Variants in GAB1 observed in about 807,000 individuals in gnomAD.
GAB1 encodes the protein GRB2 associated binding protein 1.
GAB1 carries 19 observed loss-of-function variants against 66.5 expected under a neutral mutation model. The observed-to-expected ratio is 0.29, with a 90% CI of 0.20 to 0.42. The LOEUF (loss-of-function observed/expected upper bound fraction) is 0.42, where lower values mean the gene tolerates loss of function less well. GAB1 is among the 10% of genes least tolerant of loss of function. The pLI, the probability that GAB1 is intolerant of heterozygous loss-of-function variation, is 1.00. For synonymous variants in GAB1, 294 were observed against 301.4 expected, an observed-to-expected ratio of 0.98 and a Z score of 0.25; for missense variants, 732 against 858.5, an observed-to-expected ratio of 0.85 and a Z score of 1.84.
chr4:143,386,355 C>T (rs901080355), intron 1 of GAB1, among the ~76,000 whole-genome samples: 3 of 152,072 alleles, frequency 2.0e-5, no homozygotes, highest in Non-Finnish European at 4.4e-5. Context: ...TCATGTACAC[C>T]ATATGCATAG....
At chr4:143,379,328 A>G (rs948913248) in intron 1 of GAB1, among the ~76,000 whole-genome samples, 1 of 152,176 alleles carries the variant, frequency 6.6e-6, no homozygotes, top group Non-Finnish European at 1.5e-5. Flanking sequence ...TGGAGCAGAG[A>G]AATCTTAAGC....
rs531911719 is a variant in GAB1 at position 143,471,478 on chromosome 4, A to C, written c.*2289A>C. 3.2e-4 allele frequency: 48 copies of C among 152,134 alleles called. No individual in the cohort carries two copies. The highest frequency in any genetic ancestry group is 6.2e-4 in the Non-Finnish European group (42 of 67,982). The allele number at this position is 152,134 out of a possible 1,614,324, so 9.4% of individuals were successfully genotyped here. A position where few individuals can be genotyped will look rare whatever the true frequency, so the allele number is the denominator to read the frequency against. On this transcript the variant is annotated 3_prime_UTR_variant, in exon 10 of 10. Coordinates refer to ENST00000262994, the MANE Select transcript of GAB1 (RefSeq NM_002039.4). Reference sequence around the variant, plus strand: ...TAACCCCAATACATAAAGCCTGAAAACTCAATTTTATCAATATAAATGTAT... The same window carrying C: ...TAACCCCAATACATAAAGCCTGAAACCTCAATTTTATCAATATAAATGTAT...
At chr4:143,347,213 T>C (rs1729017011) in intron 1 of GAB1, among the ~76,000 whole-genome samples, 1 of 152,250 alleles carries the variant, frequency 6.6e-6, no homozygotes, top group Non-Finnish European at 1.5e-5. Context: ...GCATATACTC[T>C]TGAACAGCAC....
At chr4:143,447,205 G>C (rs1237465704) in intron 6 of GAB1, among the ~76,000 whole-genome samples, 6 of 152,178 alleles carry the variant, frequency 3.9e-5, no homozygotes, top group Non-Finnish European at 1.5e-5. Flanking sequence ...TAGCCTTGTA[G>C]TATAGTTAGA....
In GAB1 at chr4:143,337,277, G is replaced by C; in HGVS notation, c.72+17G>C. On this transcript the variant is annotated intron_variant, in intron 1 of 9. Coordinates refer to ENST00000262994, the MANE Select transcript of GAB1 (RefSeq NM_002039.4). The stretch of plus-strand genomic sequence containing the variant: ...AAGCGTTATGTAAGTAGAGCTGCGG[G>C]CACCACTCCGCGGGCCTCGGCGTCC... The C allele has an allele frequency of 6.4e-7, 1 of 1,564,358 alleles. No individual in the cohort carries two copies. The highest frequency in any genetic ancestry group is 1.2e-5 in the South Asian group (1 of 85,310).
In GAB1 at chr4:143,426,145, C is replaced by G. The variant is rs188108270; in HGVS notation, c.368-7346C>G. On this transcript the variant is annotated intron_variant, in intron 2 of 9. Coordinates refer to ENST00000262994, the MANE Select transcript of GAB1 (RefSeq NM_002039.4). ...CTTCTATTTACTCAGGCCAGATTCT[C>G]TAACAGAATATTTTTGAACTTGATT... 42 of 407,210 alleles carry G rather than the reference C, an allele frequency of 1.0e-4. No homozygotes were observed. In the East Asian group the frequency reaches 1.0e-3, roughly 10 times the overall value. The allele number at this position is 407,210 out of a possible 1,614,324, so 25.2% of individuals were successfully genotyped here. A position where few individuals can be genotyped will look rare whatever the true frequency, so the allele number is the denominator to read the frequency against.
intron 1 of GAB1, among the ~76,000 whole-genome samples, chr4:143,394,217 TG>T (rs1379112324): frequency 1.3e-5 from 2 of 152,120 alleles, no homozygotes; most frequent in Non-Finnish European, 2.9e-5. Context: ...GATGTTGCAG[TG>T]AGCCGAGATC....
At chr4:143,379,419 G>A (rs1421356494) in intron 1 of GAB1, among the ~76,000 whole-genome samples, 1 of 152,026 alleles carries the variant, frequency 6.6e-6, no homozygotes, top group African/African-American at 2.4e-5. Context: ...GATACATCTG[G>A]GTTTTGCGAT....
At chr4:143,453,495 C>G (rs1172039007) in intron 6 of GAB1, among the ~76,000 whole-genome samples, 1 of 152,068 alleles carries the variant, frequency 6.6e-6, no homozygotes, top group African/African-American at 2.4e-5. Context: ...ATTACTTAAT[C>G]CACATTGTCT....
intron 3 of GAB1, among the ~76,000 whole-genome samples, 161 bp downstream of exon 3, chr4:143,433,877 C>T (rs1439018156): frequency 4.6e-5 from 7 of 152,136 alleles, no homozygotes; most frequent in Admixed American, 2.0e-4. Context: ...GTTTACATTC[C>T]CCTATTGATT....
At chr4:143,362,259 C>A (rs1729692319) in intron 1 of GAB1, among the ~76,000 whole-genome samples, 1 of 152,118 alleles carries the variant, frequency 6.6e-6, no homozygotes, top group Middle Eastern at 3.4e-3. Context: ...TAACAGAACC[C>A]ATAGTTTCTC....
At position 143,474,307 on chromosome 4, in the gene GAB1, C is replaced by T. The variant is rs1736186657; in HGVS notation, c.*5118C>T. 6.6e-6 allele frequency: 1 copy of T among 152,038 alleles called. No homozygotes were observed. Among genetic ancestry groups the T allele is most frequent in the Non-Finnish European group, 1.5e-5 (1 of 68,008 alleles). 9.4% of individuals were successfully genotyped at this position (152,038 alleles called of 1,614,324 possible). On this transcript the variant is annotated 3_prime_UTR_variant, in exon 10 of 10. Transcript: ENST00000262994. ...AATGCGTCTCCTCTGATTTTGTGTT[C>T]CATGAGGTGCTTGGAACATTTGGAG... is the stretch of plus-strand genomic sequence containing the variant.
At chr4:143,425,937 CT>C in intron 2 of GAB1, 1 of 1,020,592 alleles carries the variant, frequency 9.8e-7, no homozygotes, top group Non-Finnish European at 1.5e-6. Flanking sequence ...TTAAGCTGTT[CT>C]TGCACGGGTT....
chr4:143,440,752 G>A (rs1308715311), intron 6 of GAB1, among the ~76,000 whole-genome samples: 1 of 152,158 alleles, frequency 6.6e-6, no homozygotes, highest in Non-Finnish European at 1.5e-5. Context: ...ATGCACCCAT[G>A]CAGGCAAATC....
intron 1 of GAB1, among the ~76,000 whole-genome samples, chr4:143,378,532 A>G (rs1006705417): frequency 9.9e-5 from 15 of 152,026 alleles, no homozygotes; most frequent in African/African-American, 2.4e-4. Flanking sequence ...GTAAGGTCCT[A>G]TTTCGCTCAC....
At chr4:143,428,443 A>C (rs1733479067) in intron 2 of GAB1, among the ~76,000 whole-genome samples, 1 of 152,216 alleles carries the variant, frequency 6.6e-6, no homozygotes, top group Non-Finnish European at 1.5e-5. Flanking sequence ...ATTTGGGTGC[A>C]TGGGACCTGG....
At chr4:143,457,846 A>G (rs1735275986) in intron 6 of GAB1, 1 of 775,770 alleles carries the variant, frequency 1.3e-6, no homozygotes, top group African/African-American at 1.9e-5. Flanking sequence ...TTTTCTAAAA[A>G]TAAAGAAGAA....
chr4:143,452,799 G>A (rs1206463559), intron 6 of GAB1, among the ~76,000 whole-genome samples: 1 of 152,176 alleles, frequency 6.6e-6, no homozygotes, highest in Non-Finnish European at 1.5e-5. Flanking sequence ...TTCAAACCAA[G>A]TCTAGCAAAA....
chr4:143,378,687 C>T (rs921588546), intron 1 of GAB1, among the ~76,000 whole-genome samples: 2 of 145,836 alleles, frequency 1.4e-5, no homozygotes, highest in African/African-American at 5.2e-5. Context: ...TTTCTAGTCT[C>T]TAAACCTCTC....
Sources: gnomAD v4.1 joint callset for allele counts (sites outside exome capture counted in the v4.1 genomes callset) on GRCh38, gnomAD v4.1.1 for gene constraint, MANE v1.5 for transcripts, NCBI Gene and HGNC (gene_info 2026-07-23, HGNC 2026-07-21) for gene names.